ACYP2: variants seen among roughly 807,000 people sequenced by gnomAD.
The protein encoded by ACYP2 is acylphosphatase-2.
ACYP2 carries 12 observed loss-of-function variants against 11.2 expected under a neutral mutation model. The ratio of observed to expected loss-of-function variants is 1.08; its 90% CI spans 0.69 to 1.74. ACYP2 has a LOEUF of 1.74. ACYP2 is among the 40% of genes most tolerant of loss of function. ACYP2 has a pLI of 0.00. For synonymous variants in ACYP2, 43 were observed against 32.2 expected, an observed-to-expected ratio of 1.33 and a Z score of -1.13; for missense variants, 134 against 101.9, an observed-to-expected ratio of 1.31 and a Z score of -1.35.
chr2:53,991,252 A>G lies in ACYP2; in HGVS notation c.62+17442A>G, dbSNP rs186906104. Among the ~76,000 whole-genome samples the G allele has an allele frequency of 2.0e-5, 3 of 152,332 alleles. 1 individual carries two copies. The highest frequency in any genetic ancestry group is 4.1e-4 in the South Asian group (2 of 4,828). On this transcript the variant is annotated intron_variant, in intron 2 of 6. Coordinates refer to ENST00000607452, the MANE Select transcript of ACYP2 (RefSeq NM_001320586.2). ...CATACCATAGTTTGCTTATCCATTC[A>G]TCTGTTAATGGACGTTTTGGTTGTT...
At chr2:54,151,952 A>C (rs564772895) in intron 6 of ACYP2, among the ~76,000 whole-genome samples, 1 of 152,182 alleles carries the variant, frequency 6.6e-6, no homozygotes, top group East Asian at 1.9e-4. Flanking sequence ...ATTGAGTGGA[A>C]ACTACAGAGA....
At chr2:54,113,858 G>C (rs1257359046) in intron 4 of ACYP2, among the ~76,000 whole-genome samples, 1 of 151,952 alleles carries the variant, frequency 6.6e-6, no homozygotes, top group Admixed American at 6.6e-5. Context: ...GGAGGCTGAA[G>C]ACCTTAGGTT....
chr2:54,143,756 T>G (rs866936615), intron 6 of ACYP2, among the ~76,000 whole-genome samples: 35 of 102,966 alleles, frequency 3.4e-4, no homozygotes, highest in East Asian at 9.9e-4. Context: ...TTTTTTTTTT[T>G]TGGGGGGGGG....
chr2:54,114,659 G>A (rs1679649135), intron 4 of ACYP2, among the ~76,000 whole-genome samples: 1 of 152,160 alleles, frequency 6.6e-6, no homozygotes, highest in Non-Finnish European at 1.5e-5. Flanking sequence ...ACTCCAGTCT[G>A]GGAGACAAGA....
intron 6 of ACYP2, among the ~76,000 whole-genome samples, chr2:54,247,201 CCTTCT>C (rs1320199604): frequency 1.3e-5 from 2 of 152,006 alleles, no homozygotes; most frequent in Non-Finnish European, 2.9e-5. Context: ...TCCATTTTAT[CCTTCT>C]CTTCTCATCT....
chr2:54,209,529 G>A (rs907598727), intron 6 of ACYP2, among the ~76,000 whole-genome samples: 3 of 152,046 alleles, frequency 2.0e-5, no homozygotes, highest in African/African-American at 4.8e-5. Context: ...ATTTTCTTTG[G>A]ACCAGACTAG....
At chr2:54,036,477 T>A (rs1674910200) in intron 2 of ACYP2, among the ~76,000 whole-genome samples, 1 of 152,238 alleles carries the variant, frequency 6.6e-6, no homozygotes, top group Non-Finnish European at 1.5e-5. Context: ...CACAGTGTCT[T>A]TTAGCCCACT....
At chr2:54,137,945 T>C (rs1168505122) in intron 5 of ACYP2, among the ~76,000 whole-genome samples, 2 of 152,138 alleles carry the variant, frequency 1.3e-5, no homozygotes, top group African/African-American at 4.8e-5. Flanking sequence ...CCAGCATCTG[T>C]TATTTTTTGG....
chr2:54,232,635 A>C (rs1414584917), intron 6 of ACYP2, among the ~76,000 whole-genome samples: 1 of 152,170 alleles, frequency 6.6e-6, no homozygotes, highest in Non-Finnish European at 1.5e-5. Flanking sequence ...TGGGTAATTT[A>C]TAAATTAAAG....
chr2:53,994,651 G>C (rs1672481246), intron 2 of ACYP2, among the ~76,000 whole-genome samples: 1 of 152,048 alleles, frequency 6.6e-6, no homozygotes, highest in South Asian at 2.1e-4. Context: ...AAAATCTTGT[G>C]TTGAGTAGCA....
At position 54,304,804 on chromosome 2, in the gene ACYP2, A is replaced by G; in HGVS notation, c.*2A>G. 5 of 1,535,244 alleles carry G rather than the reference A, an allele frequency of 3.3e-6. No homozygotes were observed. The highest frequency in any genetic ancestry group is 4.5e-6 in the Non-Finnish European group (5 of 1,112,772). On this transcript the variant is annotated 3_prime_UTR_variant, in exon 7 of 7. Coordinates refer to ENST00000607452, the MANE Select transcript of ACYP2 (RefSeq NM_001320586.2). The stretch of plus-strand genomic sequence containing the variant: ...TCTAATTTTAGTATTAGATACTAAT[A>G]GAAGAGAAAAATTGTAACACACTGA...
At chr2:54,196,038 T>G (rs550712497) in intron 6 of ACYP2, among the ~76,000 whole-genome samples, 23 of 152,192 alleles carry the variant, frequency 1.5e-4, no homozygotes, top group Admixed American at 9.2e-4. Flanking sequence ...CCTCAGATGA[T>G]CTACCCACCT....
At chr2:54,245,953 C>G (rs1686931148) in intron 6 of ACYP2, among the ~76,000 whole-genome samples, 1 of 152,028 alleles carries the variant, frequency 6.6e-6, no homozygotes, top group African/African-American at 2.4e-5. Context: ...TGGAACTTTT[C>G]TCCTATGTTT....
chr2:54,014,611 G>A (rs896059108), intron 2 of ACYP2, among the ~76,000 whole-genome samples: 7 of 151,976 alleles, frequency 4.6e-5, no homozygotes, highest in Non-Finnish European at 2.9e-5. Context: ...TTGAGCCACC[G>A]CTCCCAGCCG....
intron 6 of ACYP2, among the ~76,000 whole-genome samples, chr2:54,288,345 G>C (rs966107677): frequency 6.6e-6 from 1 of 151,924 alleles, no homozygotes; most frequent in Non-Finnish European, 1.5e-5. Flanking sequence ...CTTGTCTGAG[G>C]TAGTGATTTG....
At chr2:54,214,491 TAGGGAG>T (rs1685475264) in intron 6 of ACYP2, among the ~76,000 whole-genome samples, 1 of 152,232 alleles carries the variant, frequency 6.6e-6, no homozygotes, top group African/African-American at 2.4e-5. Context: ...ACTTATCGAA[TAGGGAG>T]TCCTTTTCCC....
intron 6 of ACYP2, among the ~76,000 whole-genome samples, chr2:54,192,600 A>G (rs1333761167): frequency 6.6e-6 from 1 of 152,198 alleles, no homozygotes; most frequent in Admixed American, 6.5e-5. Context: ...TGTTCATTAT[A>G]TCTTACCTGT....
At chr2:54,213,094 C>T (rs1045407419) in intron 6 of ACYP2, among the ~76,000 whole-genome samples, 3 of 152,098 alleles carry the variant, frequency 2.0e-5, no homozygotes, top group African/African-American at 7.2e-5. Context: ...CTCCTCCCAC[C>T]CTCCACCCTC....
intron 2 of ACYP2, among the ~76,000 whole-genome samples, chr2:54,011,147 T>A (rs1673348304): frequency 6.6e-6 from 1 of 152,192 alleles, no homozygotes; most frequent in African/African-American, 2.4e-5. Flanking sequence ...CATTTTAGCA[T>A]TGAGAATCAA....
Sources: allele counts gnomAD v4.1 joint callset (sites outside exome capture counted in the v4.1 genomes callset), GRCh38; gene constraint gnomAD v4.1.1; transcripts MANE v1.5; gene names NCBI Gene and HGNC (gene_info 2026-07-23, HGNC 2026-07-21).